The following SETBP1 variants were observed in gnomAD, a reference collection of about 807,000 sequenced individuals.
SETBP1 encodes SET-binding protein.
SETBP1 carries 9 observed loss-of-function variants against 101.0 expected under a neutral mutation model. That is an observed-to-expected ratio of 0.09 (90% CI 0.05 to 0.16). The LOEUF (loss-of-function observed/expected upper bound fraction) is 0.16. Among genes scored for constraint, SETBP1 ranks in the 10% least tolerant of loss-of-function variants. The pLI, the probability that SETBP1 is intolerant of heterozygous loss-of-function variation, is 1.00. For missense variants in SETBP1, 1,858 were observed against 2,033.8 expected, an observed-to-expected ratio of 0.91 and a Z score of 1.66; for synonymous variants, 818 against 788.5, an observed-to-expected ratio of 1.04 and a Z score of -0.63.
intron 3 of SETBP1, among the ~76,000 whole-genome samples, chr18:44,887,724 A>T (rs2069680779): frequency 6.6e-6 from 1 of 152,116 alleles, no homozygotes; most frequent in South Asian, 2.1e-4. Context: ...AGAGTGGGTA[A>T]AATCCTCAGG....
chr18:45,050,559 A>G (rs1029036465), intron 5 of SETBP1, among the ~76,000 whole-genome samples: 5 of 152,228 alleles, frequency 3.3e-5, no homozygotes, highest in Admixed American at 1.3e-4. Context: ...TCTTTAAACT[A>G]AAAGAGACCA....
intron 2 of SETBP1, among the ~76,000 whole-genome samples, chr18:44,862,358 A>G (rs940352517): frequency 4.6e-5 from 7 of 152,186 alleles, no homozygotes; most frequent in Admixed American, 2.0e-4. Flanking sequence ...TTAAGACTGG[A>G]GGTGTCAGTG....
chr18:44,947,881 C>G (rs2071245998), intron 3 of SETBP1, among the ~76,000 whole-genome samples: 1 of 152,190 alleles, frequency 6.6e-6, no homozygotes, highest in East Asian at 1.9e-4. Flanking sequence ...CACTGATACC[C>G]TAAGGAGCAG....
intron 5 of SETBP1, among the ~76,000 whole-genome samples, chr18:45,053,669 T>C (rs965522777): frequency 6.6e-6 from 1 of 152,222 alleles, no homozygotes. Context: ...AGTTCTAGCA[T>C]GGTCAACAGG....
intron 3 of SETBP1, among the ~76,000 whole-genome samples, chr18:44,925,007 GTTTTTTTT>G (rs60718477): frequency 2.2e-5 from 1 of 45,970 alleles, no homozygotes; most frequent in Non-Finnish European, 4.0e-5. Flanking sequence ...TCCTGTGTGA[GTTTTTTTT>G]TTTTTTTTTT....
rs148623651 is a variant in SETBP1 at position 44,843,140 on chromosome 18, A to G, written c.487-26090A>G. On this transcript the variant is annotated intron_variant, in intron 2 of 5. Transcript: ENST00000649279. ...CAGAAGCAGTAGCTGCAGGGGAGGG[A>G]CCTGGGAAGGAGGATGATGAGCAGA... Among the ~76,000 whole-genome samples the G allele has an allele frequency of 7.9e-5, 12 of 152,154 alleles. No homozygotes were observed. In the East Asian group the frequency reaches 2.1e-3, roughly 27 times the overall value.
intron 4 of SETBP1, among the ~76,000 whole-genome samples, chr18:45,009,813 C>T (rs2072802035): frequency 1.3e-5 from 2 of 152,110 alleles, no homozygotes; most frequent in Non-Finnish European, 2.9e-5. Flanking sequence ...GGAGCTAGGA[C>T]CCCAGATCAG....
At chr18:44,963,899 C>CA (rs59077847) in intron 4 of SETBP1, among the ~76,000 whole-genome samples, 2,044 of 41,258 alleles carry the variant, frequency 0.05, 219 homozygotes, top group African/African-American at 0.14. Context: ...GACCCCATCT[C>CA]AAAAAAAAAA....
At chr18:44,812,071 G>T (rs907438146) in intron 2 of SETBP1, among the ~76,000 whole-genome samples, 1 of 152,110 alleles carries the variant, frequency 6.6e-6, no homozygotes, top group Non-Finnish European at 1.5e-5. Context: ...AGAATTAGGG[G>T]CCTGCAGAGA....
chr18:44,892,288 C>T (rs958685436), intron 3 of SETBP1, among the ~76,000 whole-genome samples: 4 of 152,176 alleles, frequency 2.6e-5, no homozygotes, highest in Non-Finnish European at 5.9e-5. Context: ...TGGAGAGCTA[C>T]ATGGCTGCCC....
Position 45,066,669 on chromosome 18 carries a change from AT to A in SETBP1, c.*2987del, listed in dbSNP as rs34125334. On this transcript the variant is annotated 3_prime_UTR_variant, in exon 6 of 6. Coordinates refer to ENST00000649279, the MANE Select transcript of SETBP1 (RefSeq NM_015559.3). ...CCCAACACTGCCTTCTGGGGGCTGCATTTTTTTTTTTTTTTTGAGAAGAGGT... is the reference window on the plus strand; with the variant it reads ...CCCAACACTGCCTTCTGGGGGCTGCATTTTTTTTTTTTTTTGAGAAGAGGT... The A allele has an allele frequency of 0.39, 54,919 of 140,826 alleles. 10,688 individuals are homozygous for A. The highest frequency in any genetic ancestry group is 0.45 in the Non-Finnish European group (29,018 of 65,084). 8.7% of individuals were successfully genotyped at this position (140,826 alleles called of 1,614,324 possible).
At chr18:45,045,293 G>A (rs1568048283) in intron 5 of SETBP1, among the ~76,000 whole-genome samples, 3 of 152,098 alleles carry the variant, frequency 2.0e-5, no homozygotes, top group Non-Finnish European at 1.5e-5. Context: ...ATAGTGGCGG[G>A]CACCTATAAT....
chr18:44,729,373 A>G (rs2069785273), intron 2 of SETBP1, among the ~76,000 whole-genome samples: 1 of 152,220 alleles, frequency 6.6e-6, no homozygotes, highest in African/African-American at 2.4e-5. Flanking sequence ...GAAGTGAGAA[A>G]AACCTGAAAC....
chr18:44,970,743 G>T (rs1283657884), intron 4 of SETBP1, among the ~76,000 whole-genome samples: 1 of 151,986 alleles, frequency 6.6e-6, no homozygotes, highest in Non-Finnish European at 1.5e-5. Context: ...TAGAGACAGG[G>T]TTTCACCATG....
intron 2 of SETBP1, among the ~76,000 whole-genome samples, chr18:44,799,289 G>A (rs1174744442): frequency 5.3e-5 from 8 of 151,954 alleles, no homozygotes; most frequent in Non-Finnish European, 1.0e-4. Flanking sequence ...TCTCTGCTTG[G>A]GATTTTTCCT....
intron 2 of SETBP1, among the ~76,000 whole-genome samples, chr18:44,754,357 G>C (rs192023065): frequency 2.0e-4 from 30 of 152,308 alleles, no homozygotes; most frequent in Admixed American, 7.2e-4. Flanking sequence ...GTGTTTATGA[G>C]AACTTAAACC....
intron 4 of SETBP1, chr18:44,986,462 C>T (rs1218464187): frequency 6.6e-6 from 1 of 152,182 alleles, no homozygotes; most frequent in Middle Eastern, 3.4e-3. Context: ...TTTCTTTCTT[C>T]ATTAATAAAT....
intron 2 of SETBP1, among the ~76,000 whole-genome samples, chr18:44,819,966 T>G (rs1221516210): frequency 6.6e-6 from 1 of 151,954 alleles, no homozygotes; most frequent in Non-Finnish European, 1.5e-5. Flanking sequence ...AAAAAAAAAG[T>G]TGCCTTGCTG....
intron 3 of SETBP1, among the ~76,000 whole-genome samples, chr18:44,881,704 T>G (rs997561987): frequency 2.0e-5 from 3 of 152,160 alleles, no homozygotes; most frequent in South Asian, 2.1e-4. Flanking sequence ...CTTCGCTAGA[T>G]CCAGATTCAT....
Sources: allele counts gnomAD v4.1 joint callset (sites outside exome capture counted in the v4.1 genomes callset), GRCh38; gene constraint gnomAD v4.1.1; transcripts MANE v1.5; gene names NCBI Gene and HGNC (gene_info 2026-07-23, HGNC 2026-07-21).